NPAT: variants seen among roughly 807,000 people sequenced by gnomAD.
NPAT encodes the protein nuclear protein, coactivator of histone transcription, also known as protein NPAT.
In NPAT, 52 loss-of-function variants were observed where a neutral mutation model predicts 130.7. The ratio of observed to expected loss-of-function variants is 0.40; its 90% CI spans 0.32 to 0.50. The LOEUF (loss-of-function observed/expected upper bound fraction) is 0.50, where lower values mean the gene tolerates loss of function less well. Ranked by LOEUF, NPAT falls within the 20% of genes least tolerant of loss-of-function variation. The pLI, the probability that NPAT is intolerant of heterozygous loss-of-function variation, is 0.68. For synonymous variants in NPAT, 580 were observed against 584.8 expected, an observed-to-expected ratio of 0.99 and a Z score of 0.12; for missense variants, 1,687 against 1,662.6, an observed-to-expected ratio of 1.01 and a Z score of -0.26.
At chr11:108,202,390 G>C (rs1205297715) in intron 1 of NPAT, among the ~76,000 whole-genome samples, 11 of 152,128 alleles carry the variant, frequency 7.2e-5, no homozygotes, top group African/African-American at 2.7e-4. Flanking sequence ...AGGCCCCTCT[G>C]ATCTGGGAGG....
rs2077813708 is a variant in NPAT, at chr11:108,158,248, A to T, written c.*694T>A. ...GTTCTGTAAAAAATCTTAAGTTATA[A>T]ATGAAAGATCAGAACATTCAATAAA... On this transcript the variant is annotated 3_prime_UTR_variant, in exon 18 of 18. Transcript: ENST00000278612. The T allele has an allele frequency of 6.6e-6, 1 of 152,526 alleles. No homozygotes were observed. Among genetic ancestry groups the T allele is most frequent in the South Asian group, 2.1e-4 (1 of 4,826 alleles). 9.4% of individuals were successfully genotyped at this position (152,526 alleles called of 1,614,324 possible).
chr11:108,189,824 C>T (rs1357763736), intron 5 of NPAT, among the ~76,000 whole-genome samples: 2 of 145,738 alleles, frequency 1.4e-5, no homozygotes, highest in Non-Finnish European at 1.5e-5. Flanking sequence ...GAGCCGAGAT[C>T]GCGCCACTGC....
intron 9 of NPAT, 23 bp downstream of exon 9, chr11:108,185,380 C>A (rs771730375): frequency 4.5e-6 from 7 of 1,571,652 alleles, no homozygotes; most frequent in South Asian, 1.1e-5. Context: ...AACAATTAGG[C>A]ATTTTAAACA....
intron 1 of NPAT, among the ~76,000 whole-genome samples, chr11:108,206,093 T>C (rs2134887296): frequency 6.6e-6 from 1 of 152,338 alleles, no homozygotes; most frequent in East Asian, 1.9e-4. Flanking sequence ...AAGTGTTTGT[T>C]GTACGTAAAC....
At chr11:108,212,945 C>CAA (rs34466178) in intron 1 of NPAT, among the ~76,000 whole-genome samples, 34 of 36,436 alleles carry the variant, frequency 9.3e-4, no homozygotes, top group Non-Finnish European at 1.2e-3. Context: ...GACTCTGTCT[C>CAA]AAAAAAAAAA....
chr11:108,194,032 A>T lies in NPAT; in HGVS notation c.157-15T>A, dbSNP rs1470410133. 1 of 1,332,008 alleles carries T rather than the reference A, an allele frequency of 7.5e-7. No homozygotes were observed. The highest frequency in any genetic ancestry group is 1.1e-6 in the Non-Finnish European group (1 of 925,896). 82.5% of individuals were successfully genotyped at this position (1,332,008 alleles called of 1,614,324 possible). A position where few individuals can be genotyped will look rare whatever the true frequency, so the allele number is the denominator to read the frequency against. On this transcript the variant is annotated splice_polypyrimidine_tract_variant and intron_variant, in intron 2 of 17. Coordinates refer to ENST00000278612, the MANE Select transcript of NPAT (RefSeq NM_002519.3). ...CCAAATAAGGACTGAAAAGAAAAAG[A>T]TCAAATATTACCAAAATTGTATAAT...
intron 8 of NPAT, among the ~76,000 whole-genome samples, chr11:108,185,709 A>G (rs991119298): frequency 1.3e-5 from 2 of 152,194 alleles, no homozygotes; most frequent in African/African-American, 4.8e-5. Flanking sequence ...TCTTTCTTAT[A>G]CAGTTCCACA....
chr11:108,217,254 G>C (rs567080442), intron 1 of NPAT, among the ~76,000 whole-genome samples: 1 of 152,328 alleles, frequency 6.6e-6, no homozygotes, highest in Admixed American at 6.5e-5. Context: ...ACCCTAAGCT[G>C]CTGGGATAGG....
intron 4 of NPAT, 45 bp downstream of exon 4, chr11:108,192,073 T>G (rs752133451): frequency 4.8e-6 from 6 of 1,258,604 alleles, no homozygotes; most frequent in Non-Finnish European, 7.0e-6. Flanking sequence ...ACCCAAAGTG[T>G]ATTTGCATTC....
At chr11:108,170,181 AAAAACAAAAC>A (rs770287806) in intron 13 of NPAT, 138 bp from the exon 14 acceptor site, 14 of 654,048 alleles carry the variant, frequency 2.1e-5, no homozygotes, top group African/African-American at 2.0e-4. Flanking sequence ...TCCACTCTCC[AAAAACAAAAC>A]AAAACAAAAC....
At position 108,172,635 on chromosome 11, in the gene NPAT, A is replaced by C. The variant is rs770453406; in HGVS notation, c.2349T>G (p.Asn783Lys). 1.5e-5 allele frequency: 24 copies of C among 1,614,060 alleles called. No homozygotes were observed. The highest frequency in any genetic ancestry group is 1.9e-5 in the Non-Finnish European group (23 of 1,180,042). Residue 783 changes from asparagine (N) to lysine (K), a missense_variant, in exon 13 of 18, where the codon AAT becomes AAG. Transcript: ENST00000278612. ...AAGATAGGCATTTAACTAGTTCTGC[A>C]TTTTTAGTAGGTGATTTAGTAGGAG... is the stretch of plus-strand genomic sequence containing the variant. ...LSSPTKSPTK[N>K]AELVKCLSSE...
rs1172382221 is a variant in NPAT at position 108,172,950 on chromosome 11, T to G, written c.2034A>C (p.Gly678=). The G allele has an allele frequency of 6.2e-7, 1 of 1,614,140 alleles. No homozygotes were observed. Among genetic ancestry groups the G allele is most frequent in the Non-Finnish European group, 8.5e-7 (1 of 1,180,026 alleles). The change falls in exon 13 of 18, where the codon GGA becomes GGC. Residue 678 remains glycine (G), a synonymous_variant. Coordinates refer to ENST00000278612, the MANE Select transcript of NPAT (RefSeq NM_002519.3). ...EENTIFLSLG[G]NANCEKVALT... is the part of the protein sequence containing the mutation. ...GTGCAACTTTCTCACAGTTAGCATTTCCACCTAAAGAGAGAAAAATAGTAT... is the reference window on the plus strand; with the variant it reads ...GTGCAACTTTCTCACAGTTAGCATTGCCACCTAAAGAGAGAAAAATAGTAT...
At chr11:108,160,354 T>A (rs2077834455) in intron 17 of NPAT, among the ~76,000 whole-genome samples, 1 of 151,828 alleles carries the variant, frequency 6.6e-6, no homozygotes, top group Non-Finnish European at 1.5e-5. Flanking sequence ...GTAAATTTGA[T>A]TTTTCCACTG....
intron 1 of NPAT, among the ~76,000 whole-genome samples, chr11:108,207,038 T>C (rs1170055275): frequency 6.6e-6 from 1 of 151,940 alleles, no homozygotes; most frequent in East Asian, 1.9e-4. Flanking sequence ...TGCAGGCAAG[T>C]CATCCTGACG....
At chr11:108,171,303 A>T (rs1009668317) in intron 13 of NPAT, 5 of 150,816 alleles carry the variant, frequency 3.3e-5, no homozygotes, top group African/African-American at 1.2e-4. Context: ...TTGTATTTTT[A>T]GTAGATACGG....
chr11:108,195,379 T>C (rs2078209982), intron 2 of NPAT, among the ~76,000 whole-genome samples: 1 of 152,228 alleles, frequency 6.6e-6, no homozygotes, highest in Admixed American at 6.5e-5. Context: ...AAACCTGTTT[T>C]CTTATTTTAG....
At chr11:108,194,112 C>A in intron 2 of NPAT, 95 bp from the exon 3 acceptor site, 3 of 733,898 alleles carry the variant, frequency 4.1e-6, no homozygotes, top group Non-Finnish European at 7.2e-6. Flanking sequence ...AATAAAAGAT[C>A]TGACTGCAGA....
rs2078124524 is a variant in NPAT, at chr11:108,188,020, A to G, written c.638+78T>C. Reference sequence around the variant, plus strand: ...ATCTGGTCCTATTAGTTTATTCACAATGTAAGTATCCTGATGTAATTCTTT... The same window carrying G: ...ATCTGGTCCTATTAGTTTATTCACAGTGTAAGTATCCTGATGTAATTCTTT... On this transcript the variant is annotated intron_variant, in intron 7 of 17. Coordinates refer to ENST00000278612, the MANE Select transcript of NPAT (RefSeq NM_002519.3). The G allele has an allele frequency of 9.2e-6, 9 of 983,250 alleles. No individual in the cohort carries two copies. In the Admixed American group the frequency reaches 1.2e-4, roughly 13 times the overall value. 60.9% of individuals were successfully genotyped at this position (983,250 alleles called of 1,614,324 possible).
At chr11:108,162,284 T>C (rs2077859703) in intron 15 of NPAT, 104 bp from the exon 16 acceptor site, 1 of 979,024 alleles carries the variant, frequency 1.0e-6, no homozygotes, top group Middle Eastern at 2.9e-4. Context: ...TTTTAAATGG[T>C]AGCTAATGTA....
Sources: allele counts gnomAD v4.1 joint callset (sites outside exome capture counted in the v4.1 genomes callset), GRCh38; gene constraint gnomAD v4.1.1; transcripts MANE v1.5; gene names NCBI Gene and HGNC (gene_info 2026-07-23, HGNC 2026-07-21).